The following SLC9A9 variants were observed in gnomAD, a reference collection of about 807,000 sequenced individuals.
SLC9A9 encodes the protein sodium/hydrogen exchanger 9.
Under a neutral mutation model 77.8 loss-of-function variants are expected in SLC9A9, and 62 were observed. The observed-to-expected ratio is 0.80, with a 90% confidence interval of 0.65 to 0.98. The LOEUF is 0.98. Among genes scored for constraint, SLC9A9 ranks in the 50% least tolerant of loss-of-function variants. The probability of loss-of-function intolerance (pLI) is 0.00; values close to 1 mark genes in which losing one functional copy is unlikely to be tolerated. For missense variants in SLC9A9, 775 were observed against 774.9 expected (o/e 1.00, Z 0.00); for synonymous variants, 320 against 283.5 (o/e 1.13, Z -1.29).
chr3:143,311,504 G>C (rs1300133385), intron 14 of SLC9A9, among the ~76,000 whole-genome samples: 2 of 152,314 alleles, frequency 1.3e-5, no homozygotes, highest in East Asian at 1.9e-4. Flanking sequence ...CTAGGAGCCA[G>C]GTAAAAGCAG....
chr3:143,309,209 C>T (rs527545038), intron 14 of SLC9A9, among the ~76,000 whole-genome samples: 11 of 152,276 alleles, frequency 7.2e-5, no homozygotes, highest in African/African-American at 1.2e-4. Context: ...GGTAAACCCT[C>T]CTTACACATG....
At chr3:143,346,832 G>A (rs2032294149) in intron 14 of SLC9A9, among the ~76,000 whole-genome samples, 2 of 151,968 alleles carry the variant, frequency 1.3e-5, no homozygotes, top group South Asian at 4.1e-4. Context: ...AAATGAAAAG[G>A]GAAAGAAATA....
At chr3:143,602,190 G>A (rs978410823) in intron 6 of SLC9A9, among the ~76,000 whole-genome samples, 18 of 152,176 alleles carry the variant, frequency 1.2e-4, no homozygotes, top group Non-Finnish European at 2.4e-4. Flanking sequence ...AGTTAGAGGC[G>A]AGCAGGGCTG....
intron 11 of SLC9A9, among the ~76,000 whole-genome samples, chr3:143,469,172 A>C (rs924485728): frequency 6.6e-6 from 1 of 152,156 alleles, no homozygotes; most frequent in Admixed American, 6.6e-5. Context: ...ACAAACAAAC[A>C]AACAAACAAA....
intron 2 of SLC9A9, among the ~76,000 whole-genome samples, chr3:143,798,976 T>A (rs776066475): frequency 6.6e-6 from 1 of 152,074 alleles, no homozygotes; most frequent in Non-Finnish European, 1.5e-5. Flanking sequence ...CAGCCTCTGC[T>A]CCTCCACCCT....
chr3:143,585,872 A>G (rs1449126351), intron 6 of SLC9A9, among the ~76,000 whole-genome samples: 1 of 152,222 alleles, frequency 6.6e-6, no homozygotes, highest in Non-Finnish European at 1.5e-5. Context: ...TCTGAGGGCC[A>G]TGTCCAATAA....
chr3:143,636,544 G>T (rs2038523991), intron 6 of SLC9A9, among the ~76,000 whole-genome samples: 1 of 152,174 alleles, frequency 6.6e-6, no homozygotes. Context: ...TAGCTGTGAA[G>T]CCTGGGCTTT....
chr3:143,435,150 ATT>A (rs1189279243), intron 12 of SLC9A9, among the ~76,000 whole-genome samples: 1 of 151,920 alleles, frequency 6.6e-6, no homozygotes, highest in Non-Finnish European at 1.5e-5. Flanking sequence ...TTTATAAAAT[ATT>A]ATCTAATATT....
intron 2 of SLC9A9, chr3:143,811,770 G>A (rs1164275267): frequency 8.8e-6 from 4 of 452,378 alleles, no homozygotes; most frequent in Non-Finnish European, 1.8e-5. Context: ...TCTAAGGCAC[G>A]AGAATCGCAT....
chr3:143,739,966 T>C (rs1268990029), intron 4 of SLC9A9, among the ~76,000 whole-genome samples: 1 of 152,222 alleles, frequency 6.6e-6, no homozygotes, highest in Non-Finnish European at 1.5e-5. Context: ...GATATTTTGG[T>C]CCTATCCATG....
chr3:143,543,276 C>T (rs1309078009), intron 9 of SLC9A9, among the ~76,000 whole-genome samples: 2 of 152,178 alleles, frequency 1.3e-5, no homozygotes, highest in Non-Finnish European at 2.9e-5. Context: ...CGCTTCCCTT[C>T]AGTGCCCCCT....
At chr3:143,333,377 T>G (rs1217382907) in intron 14 of SLC9A9, among the ~76,000 whole-genome samples, 3 of 152,176 alleles carry the variant, frequency 2.0e-5, no homozygotes, top group African/African-American at 7.2e-5. Flanking sequence ...TTGGATTGTT[T>G]CAGAACTAGT....
At chr3:143,570,701 T>C (rs1284201878) in intron 8 of SLC9A9, among the ~76,000 whole-genome samples, 1 of 152,132 alleles carries the variant, frequency 6.6e-6, no homozygotes, top group African/African-American at 2.4e-5. Flanking sequence ...TTATAAATTG[T>C]TGAATGAAAA....
chr3:143,803,658 T>A (rs188106181), intron 2 of SLC9A9, among the ~76,000 whole-genome samples: 39 of 152,224 alleles, frequency 2.6e-4, no homozygotes, highest in African/African-American at 9.4e-4. Flanking sequence ...CTCATTCCCA[T>A]CCTTATGCCA....
intron 13 of SLC9A9, among the ~76,000 whole-genome samples, chr3:143,380,207 T>C (rs1036703233): frequency 1.2e-4 from 19 of 152,244 alleles, no homozygotes; most frequent in Admixed American, 8.5e-4. Flanking sequence ...TGCTATAATA[T>C]CTTCAGGTAA....
intron 14 of SLC9A9, among the ~76,000 whole-genome samples, chr3:143,272,616 G>A (rs544454477): frequency 6.6e-6 from 1 of 152,242 alleles, no homozygotes; most frequent in African/African-American, 2.4e-5. Flanking sequence ...GCAATGTCTG[G>A]AAAGTGGCTG....
At chr3:143,313,280 A>G (rs935347202) in intron 14 of SLC9A9, 18 of 152,256 alleles carry the variant, frequency 1.2e-4, no homozygotes, top group African/African-American at 3.9e-4. Context: ...ATAGGCACTC[A>G]CAGAGGGCAG....
chr3:143,750,691 A>G (rs1037465347), intron 4 of SLC9A9, among the ~76,000 whole-genome samples: 1 of 150,242 alleles, frequency 6.7e-6, no homozygotes, highest in African/African-American at 2.4e-5. Flanking sequence ...GTCAAATGGG[A>G]AGAGGGTACA....
At chr3:143,556,316 C>G (rs1201889244) in intron 8 of SLC9A9, among the ~76,000 whole-genome samples, 1 of 152,222 alleles carries the variant, frequency 6.6e-6, no homozygotes, top group Non-Finnish European at 1.5e-5. Flanking sequence ...ACCAGTGTCT[C>G]AGCTCCAAAC....
Sources: gnomAD v4.1 joint callset for allele counts (sites outside exome capture counted in the v4.1 genomes callset) on GRCh38, gnomAD v4.1.1 for gene constraint, MANE v1.5 for transcripts, NCBI Gene and HGNC (gene_info 2026-07-23, HGNC 2026-07-21) for gene names.